Variants in TRAF6 observed in about 807,000 individuals in gnomAD.
The protein encoded by TRAF6 is TNF receptor-associated factor 6.
A neutral mutation model predicts 48.4 loss-of-function variants in TRAF6; 10 were observed. The observed-to-expected ratio is 0.21, with a 90% CI of 0.13 to 0.35. The LOEUF (loss-of-function observed/expected upper bound fraction) is 0.35. Among genes scored for constraint, TRAF6 ranks in the 10% least tolerant of loss-of-function variants. TRAF6 has a pLI of 1.00. For synonymous variants in TRAF6, 186 were observed against 219.6 expected, an observed-to-expected ratio of 0.85 and a Z score of 1.35; for missense variants, 397 against 661.0, an observed-to-expected ratio of 0.60 and a Z score of 4.38.
Position 36,486,568 on chromosome 11 carries a change from G to A in TRAF6, c.*3270C>T, listed in dbSNP as rs1298198191. On this transcript the variant is annotated 3_prime_UTR_variant, in exon 7 of 7. Coordinates refer to ENST00000526995, the MANE Select transcript of TRAF6 (RefSeq NM_004620.4). Reference sequence around the variant, plus strand: ...TCACAATAATTAACTGCTAGAGATCGTCCAGTATCTCTGTATTATTCCATC... The same window carrying A: ...TCACAATAATTAACTGCTAGAGATCATCCAGTATCTCTGTATTATTCCATC... Among the ~76,000 whole-genome samples the A allele has an allele frequency of 1.3e-5, 2 of 152,034 alleles. No homozygotes were observed. The highest frequency in any genetic ancestry group is 4.8e-5 in the African/African-American group (2 of 41,354).
In TRAF6 at chr11:36,490,492, G is replaced by A. The variant is rs1017786202; in HGVS notation, c.915C>T (p.Arg305=). 2.5e-6 allele frequency: 4 copies of A among 1,613,506 alleles called. No homozygotes were observed. The African/African-American group carries it at 4.0e-5, about 16-fold the overall frequency. Residue 305 remains arginine, a synonymous_variant, in exon 7 of 7, where the codon CGC becomes CGT. Transcript: ENST00000526995. This position sits in a 1 kb window ranked among gnomAD's most constrained non-coding sequence, Gnocchi z 6.4. ...GGATTTGATGGTCTTGTCTTACAAGGCGACCCTCTAACTGGTGAATAGTTT... is the reference window on the plus strand; with the variant it reads ...GGATTTGATGGTCTTGTCTTACAAGACGACCCTCTAACTGGTGAATAGTTT... ...FQETIHQLEG[R]LVRQDHQIRE... is the part of the protein sequence containing the mutation.
In TRAF6 at chr11:36,483,919, C is replaced by CTGA. The variant is rs1859444839; in HGVS notation, c.*5918_*5919insTCA. Among the ~76,000 whole-genome samples the CTGA allele has an allele frequency of 1.3e-5, 2 of 152,108 alleles. No individual in the cohort carries two copies. The highest frequency in any genetic ancestry group is 1.3e-4 in the Admixed American group (2 of 15,270). ...TCTAAATTAATATTCAAAAAGGTGC[C>CTGA]ATTCAAGGAACACTTTTGGTCATAC... On this transcript the variant is annotated 3_prime_UTR_variant, in exon 7 of 7. Transcript: ENST00000526995.
In TRAF6 at chr11:36,497,000, A is replaced by T. The variant is rs913646770; in HGVS notation, c.606+108T>A. On this transcript the variant is annotated intron_variant, in intron 4 of 6. Transcript: ENST00000526995. ...ATTTTTCCCAAAATTGATAATGTAGACTCAGAGTCGGAGTCACATCCTTAT... is the reference window on the plus strand; with the variant it reads ...ATTTTTCCCAAAATTGATAATGTAGTCTCAGAGTCGGAGTCACATCCTTAT... 1.5e-5 allele frequency: 18 copies of T among 1,164,898 alleles called. No homozygotes were observed. The East Asian group carries it at 4.7e-4, about 30-fold the overall frequency. 72.2% of individuals were successfully genotyped at this position (1,164,898 alleles called of 1,614,324 possible).
At chr11:36,507,111 A>G (rs544903313) in intron 1 of TRAF6, among the ~76,000 whole-genome samples, 1 of 148,912 alleles carries the variant, frequency 6.7e-6, no homozygotes, top group Non-Finnish European at 1.5e-5. Context: ...GTATATATGT[A>G]TATATACATG....
chr11:36,503,604 A>G (rs908951916), intron 1 of TRAF6, among the ~76,000 whole-genome samples: 1 of 152,164 alleles, frequency 6.6e-6, no homozygotes, highest in Non-Finnish European at 1.5e-5. Flanking sequence ...GTTTTGATAC[A>G]GTATTCCCGA....
chr11:36,491,151 C>CG (rs1859557753), intron 6 of TRAF6, among the ~76,000 whole-genome samples: 1 of 96,672 alleles, frequency 1.0e-5, no homozygotes, highest in Non-Finnish European at 1.9e-5. Context: ...ATATTAATAC[C>CG]ATTTTTTTTA....
rs756400715 is a variant in TRAF6, at chr11:36,506,076, T to C, written c.-23+3972A>G. Among the ~76,000 whole-genome samples, 29 of 152,000 alleles carry C rather than the reference T, an allele frequency of 1.9e-4. 1 individual carries two copies. The highest frequency in any genetic ancestry group is 6.8e-3 in the Middle Eastern group (2 of 294). On this transcript the variant is annotated intron_variant, in intron 1 of 6. Coordinates refer to ENST00000526995, the MANE Select transcript of TRAF6 (RefSeq NM_004620.4). ...ACAAATACAAAGTGAGCACACGCTG[T>C]TGGAAAAATGGCGTGCAAAGACTTG...
In TRAF6 at chr11:36,507,074, C is replaced by T. The variant is rs190947212; in HGVS notation, c.-23+2974G>A. Reference sequence around the variant, plus strand: ...GAACAAAAAGTGCTTTGTATATATACGTATATACACATAAATGTATATACG... The same window carrying T: ...GAACAAAAAGTGCTTTGTATATATATGTATATACACATAAATGTATATACG... On this transcript the variant is annotated intron_variant, in intron 1 of 6. Transcript: ENST00000526995. Among the ~76,000 whole-genome samples, 46 of 149,866 alleles carry T rather than the reference C, an allele frequency of 3.1e-4. No homozygotes were observed. The East Asian group carries it at 3.3e-3, about 11-fold the overall frequency.
rs764230152 is a variant in TRAF6 at position 36,501,387 on chromosome 11, C to T, written c.129G>A (p.Gly43=). ...DDSVGGTAST[G]NLSSSFMEEI... is the part of the protein sequence containing the mutation. Reference sequence around the variant, plus strand: ...CCTCCATAAATGAGCTGGAGAGGTTCCCCGTGCTGGCAGTTCCACCCACAC... The same window carrying T: ...CCTCCATAAATGAGCTGGAGAGGTTTCCCGTGCTGGCAGTTCCACCCACAC... Residue 43 remains glycine, a synonymous_variant, in exon 2 of 7, where the codon GGG becomes GGA. Transcript: ENST00000526995. 2 of 1,614,128 alleles carry T rather than the reference C, an allele frequency of 1.2e-6. No individual in the cohort carries two copies.
At chr11:36,495,943 A>T (rs918517486) in intron 4 of TRAF6, among the ~76,000 whole-genome samples, 5 of 152,170 alleles carry the variant, frequency 3.3e-5, no homozygotes, top group Non-Finnish European at 1.5e-5. Context: ...ATTATGACTG[A>T]GACTTCTCTA....
chr11:36,507,129 C>T (rs1253747933), intron 1 of TRAF6, among the ~76,000 whole-genome samples: 3 of 145,010 alleles, frequency 2.1e-5, no homozygotes, highest in African/African-American at 7.6e-5. Context: ...ATGTATTATA[C>T]ATACATAAAT....
At chr11:36,495,463 C>T (rs192680027) in intron 4 of TRAF6, among the ~76,000 whole-genome samples, 1 of 152,264 alleles carries the variant, frequency 6.6e-6, no homozygotes, top group East Asian at 1.9e-4. Context: ...TTTATTAGGA[C>T]ATGAGGATTT....
intron 1 of TRAF6, among the ~76,000 whole-genome samples, chr11:36,504,043 C>G (rs1375319112): frequency 6.6e-6 from 1 of 152,148 alleles, no homozygotes; most frequent in South Asian, 2.1e-4. Context: ...CACCTTATTG[C>G]TAAAAAATGC....
At position 36,486,486 on chromosome 11, in the gene TRAF6, A is replaced by C. The variant is rs1037143884; in HGVS notation, c.*3352T>G. Among the ~76,000 whole-genome samples the C allele has an allele frequency of 2.0e-5, 3 of 152,150 alleles. No homozygotes were observed. The highest frequency in any genetic ancestry group is 6.5e-5 in the Admixed American group (1 of 15,278). Reference sequence around the variant, plus strand: ...AGCATGCTTAGTTTATCTAAGACTTACTGGTGTAAAAACGGTAATAGAGAA... The same window carrying C: ...AGCATGCTTAGTTTATCTAAGACTTCCTGGTGTAAAAACGGTAATAGAGAA... On this transcript the variant is annotated 3_prime_UTR_variant, in exon 7 of 7. Coordinates refer to ENST00000526995, the MANE Select transcript of TRAF6 (RefSeq NM_004620.4).
intron 6 of TRAF6, among the ~76,000 whole-genome samples, chr11:36,491,280 G>A (rs1859560128): frequency 6.6e-6 from 1 of 151,832 alleles, no homozygotes; most frequent in African/African-American, 2.4e-5. Context: ...CCTATTATAC[G>A]AAAAACATTC....
In TRAF6 at chr11:36,485,871, G is replaced by T. The variant is rs1859475872; in HGVS notation, c.*3967C>A. On this transcript the variant is annotated 3_prime_UTR_variant, in exon 7 of 7. Coordinates refer to ENST00000526995, the MANE Select transcript of TRAF6 (RefSeq NM_004620.4). ...GCCAAGTACACTCTACAGGCACAAA[G>T]ACAGAAACAGAGAAACTAACTTACA... 6.6e-6 allele frequency among the ~76,000 whole-genome samples: 1 copy of T among 152,116 alleles called. No homozygotes were observed. The highest frequency in any genetic ancestry group is 2.4e-5 in the African/African-American group (1 of 41,374).
intron 6 of TRAF6, among the ~76,000 whole-genome samples, chr11:36,491,279 C>A (rs554985395): frequency 1.3e-5 from 2 of 151,948 alleles, no homozygotes; most frequent in Non-Finnish European, 2.9e-5. Flanking sequence ...CCCTATTATA[C>A]GAAAAACATT....
At position 36,486,775 on chromosome 11, in the gene TRAF6, G is replaced by A. The variant is rs894189086; in HGVS notation, c.*3063C>T. ...GTTTGCCAACAGCAAAATGTATGAC[G>A]TGCAGCAAGTTTCATCCAACAGTGG... On this transcript the variant is annotated 3_prime_UTR_variant, in exon 7 of 7. Transcript: ENST00000526995. 1.3e-5 allele frequency among the ~76,000 whole-genome samples: 2 copies of A among 152,108 alleles called. No individual in the cohort carries two copies. Among genetic ancestry groups the A allele is most frequent in the Non-Finnish European group, 2.9e-5 (2 of 68,040 alleles).
At chr11:36,503,701 C>A (rs1390674731) in intron 1 of TRAF6, among the ~76,000 whole-genome samples, 1 of 152,150 alleles carries the variant, frequency 6.6e-6, no homozygotes, top group East Asian at 1.9e-4. Context: ...CAAACAATGG[C>A]AAGACAGCAG....
Sources: gnomAD v4.1 joint callset for allele counts (sites outside exome capture counted in the v4.1 genomes callset) on GRCh38, gnomAD v4.1.1 for gene constraint, Gnocchi (gnomAD v3.1) non-coding constraint, MANE v1.5 for transcripts, NCBI Gene and HGNC (gene_info 2026-07-23, HGNC 2026-07-21) for gene names.